The following OPRM1 variants were observed in gnomAD, a reference collection of about 807,000 sequenced individuals.
OPRM1 encodes the protein opioid receptor mu 1.
Under a neutral mutation model 31.8 loss-of-function variants are expected in OPRM1, and 27 were observed. That is an observed-to-expected ratio of 0.85 (90% CI 0.63 to 1.17). OPRM1 has a LOEUF of 1.17. OPRM1 is among the 50% of genes most tolerant of loss of function. The pLI is 0.00. For synonymous variants in OPRM1, 196 were observed against 189.9 expected (o/e 1.03, Z -0.26); for missense variants, 536 against 511.1 (o/e 1.05, Z -0.47).
At chr6:154,153,210 T>C (rs1798588785) in intron 3 of OPRM1, among the ~76,000 whole-genome samples, 1 of 152,190 alleles carries the variant, frequency 6.6e-6, no homozygotes, top group South Asian at 2.1e-4. Context: ...GTGTTGCTGG[T>C]CCACGGGGAC....
At chr6:154,194,715 G>T (rs192663598) in intron 3 of OPRM1, among the ~76,000 whole-genome samples, 1 of 152,260 alleles carries the variant, frequency 6.6e-6, no homozygotes, top group East Asian at 1.9e-4. Flanking sequence ...TAAAATCTAA[G>T]TACTATGAAT....
intron 3 of OPRM1, among the ~76,000 whole-genome samples, chr6:154,114,788 A>G (rs1796693320): frequency 6.6e-6 from 1 of 151,678 alleles, no homozygotes; most frequent in Admixed American, 6.6e-5. Flanking sequence ...AGGCTGCTAC[A>G]TTGAGATATT....
intron 1 of OPRM1, among the ~76,000 whole-genome samples, chr6:154,042,390 T>C (rs199667268): frequency 3.3e-5 from 5 of 152,336 alleles, no homozygotes; most frequent in East Asian, 3.9e-4. Flanking sequence ...CTATTAAGTA[T>C]TGAGGAGAAA....
intron 1 of OPRM1, among the ~76,000 whole-genome samples, chr6:154,088,600 A>T (rs1248858844): frequency 6.6e-6 from 1 of 152,224 alleles, no homozygotes; most frequent in Non-Finnish European, 1.5e-5. Context: ...TAGTTTGCCA[A>T]TCTCTGATCT....
intron 3 of OPRM1, among the ~76,000 whole-genome samples, chr6:154,240,214 A>G (rs1780470571): frequency 1.3e-5 from 2 of 152,250 alleles, no homozygotes; most frequent in Admixed American, 1.3e-4. Flanking sequence ...GTAATAATTA[A>G]GCAATTCCTT....
At chr6:154,092,282 A>C (rs1792443938) in intron 3 of OPRM1, among the ~76,000 whole-genome samples, 1 of 152,168 alleles carries the variant, frequency 6.6e-6, no homozygotes, top group Admixed American at 6.5e-5. Context: ...TCTCCAAGTT[A>C]GTATTACTTG....
intron 1 of OPRM1, among the ~76,000 whole-genome samples, chr6:154,040,411 C>T (rs1232559305): frequency 1.3e-5 from 2 of 152,176 alleles, no homozygotes; most frequent in African/African-American, 2.4e-5. Flanking sequence ...CATAGCAGCC[C>T]TTACCCAACT....
intron 1 of OPRM1, among the ~76,000 whole-genome samples, chr6:154,075,192 A>G (rs1359381655): frequency 1.3e-5 from 2 of 152,226 alleles, no homozygotes; most frequent in Non-Finnish European, 2.9e-5. Context: ...TTCAAAGTGA[A>G]CAAAAACTAC....
At chr6:154,199,877 TC>T (rs1171082291) in intron 3 of OPRM1, 3 of 1,614,084 alleles carry the variant, frequency 1.9e-6, no homozygotes, top group Non-Finnish European at 2.5e-6. Flanking sequence ...TTGTCCCTCA[TC>T]TTCAGCAGCA....
At chr6:154,160,490 AT>A (rs1468442754) in intron 3 of OPRM1, among the ~76,000 whole-genome samples, 1 of 152,244 alleles carries the variant, frequency 6.6e-6, no homozygotes, top group Non-Finnish European at 1.5e-5. Context: ...ATTTTATTAA[AT>A]TATCTTTATT....
intron 1 of OPRM1, among the ~76,000 whole-genome samples, chr6:154,079,974 G>T (rs73790420): frequency 0.049 from 7,495 of 152,230 alleles, 647 homozygotes; most frequent in African/African-American, 0.17. Context: ...CTGATTATTT[G>T]ATAACAATTT....
At chr6:154,237,974 T>C (rs1302557025) in intron 3 of OPRM1, among the ~76,000 whole-genome samples, 1 of 152,196 alleles carries the variant, frequency 6.6e-6, no homozygotes, top group Non-Finnish European at 1.5e-5. Context: ...GTTAACGATT[T>C]TAAACGATTT....
chr6:154,068,938 G>C (rs562573102), intron 1 of OPRM1, among the ~76,000 whole-genome samples: 1 of 151,972 alleles, frequency 6.6e-6, no homozygotes, highest in African/African-American at 2.4e-5. Flanking sequence ...GTTTTGACTC[G>C]CATTTCCCTG....
At chr6:154,162,059 T>C (rs1234570059) in intron 3 of OPRM1, among the ~76,000 whole-genome samples, 3 of 152,200 alleles carry the variant, frequency 2.0e-5, no homozygotes, top group Non-Finnish European at 4.4e-5. Flanking sequence ...CAAGTTCCTA[T>C]TGCCCACGAA....
At chr6:154,171,870 C>A (rs1487604110) in intron 3 of OPRM1, among the ~76,000 whole-genome samples, 2 of 152,158 alleles carry the variant, frequency 1.3e-5, no homozygotes, top group East Asian at 3.9e-4. Context: ...TAAAAAAATA[C>A]AGCTAACAAG....
intron 1 of OPRM1, among the ~76,000 whole-genome samples, chr6:154,029,414 C>T (rs996980111): frequency 2.0e-5 from 3 of 152,108 alleles, no homozygotes; most frequent in African/African-American, 7.2e-5. Context: ...AATTCATAAA[C>T]CTATTTTTTG....
intron 3 of OPRM1, among the ~76,000 whole-genome samples, chr6:154,109,250 A>G (rs961694483): frequency 2.0e-5 from 3 of 152,244 alleles, no homozygotes; most frequent in Non-Finnish European, 4.4e-5. Flanking sequence ...AGCAATGTGA[A>G]TAGGGAATTG....
chr6:154,076,564 T>C (rs1489101155), intron 1 of OPRM1, among the ~76,000 whole-genome samples: 4 of 152,088 alleles, frequency 2.6e-5, no homozygotes, highest in Admixed American at 2.0e-4. Flanking sequence ...ACGCCTGTAA[T>C]CCCAGCACTT....
chr6:154,110,886 C>CAAAAAAAAAAAAAAA (rs374739553), intron 3 of OPRM1, among the ~76,000 whole-genome samples: 1 of 63,610 alleles, frequency 1.6e-5, no homozygotes, highest in Non-Finnish European at 3.0e-5. Flanking sequence ...GACTCCGTCT[C>CAAAAAAAAAAAAAAA]AAAAAAAAAA....
Sources: gnomAD v4.1 joint callset for allele counts (sites outside exome capture counted in the v4.1 genomes callset) on GRCh38, gnomAD v4.1.1 for gene constraint, MANE v1.5 for transcripts, NCBI Gene and HGNC (gene_info 2026-07-23, HGNC 2026-07-21) for gene names.